TRIM29: variants seen among roughly 807,000 people sequenced by gnomAD.
TRIM29 encodes tripartite motif-containing protein 29.
Under a neutral mutation model 57.3 loss-of-function variants are expected in TRIM29, and 52 were observed. The ratio of observed to expected loss-of-function variants is 0.91; its 90% CI spans 0.73 to 1.14. The LOEUF is 1.14. Among genes scored for constraint, TRIM29 ranks in the 50% most tolerant of loss-of-function variants. The pLI is 0.00. For synonymous variants in TRIM29, 319 were observed against 316.9 expected (o/e 1.01, Z -0.07); for missense variants, 753 against 774.6 (o/e 0.97, Z 0.33).
chr11:120,122,462 C>A (rs1863480145), intron 5 of TRIM29, among the ~76,000 whole-genome samples: 1 of 152,184 alleles, frequency 6.6e-6, no homozygotes, highest in African/African-American at 2.4e-5. Flanking sequence ...GCCAAGGGGG[C>A]CAGGGTGCAG....
intron 1 of TRIM29, among the ~76,000 whole-genome samples, chr11:120,133,535 C>T (rs558922562): frequency 1.3e-5 from 2 of 152,236 alleles, no homozygotes; most frequent in East Asian, 1.9e-4. Context: ...AGAGGCCCCC[C>T]TACCTCCTTT....
chr11:120,118,171 G>T lies in TRIM29; in HGVS notation c.1627+52C>A, dbSNP rs1270444181. On this transcript the variant is annotated intron_variant, in intron 7 of 8. Coordinates refer to ENST00000341846, the MANE Select transcript of TRIM29 (RefSeq NM_012101.4). ...GCGAAGAGACCCAAGCAGGGCTTGG[G>T]AGGTGTGAGGCAGCTGTGGAGGAAA... 4.0e-6 allele frequency: 6 copies of T among 1,516,738 alleles called. No homozygotes were observed. In the African/African-American group the frequency reaches 5.5e-5, roughly 14 times the overall value. 94.0% of individuals were successfully genotyped at this position (1,516,738 alleles called of 1,614,324 possible).
intron 7 of TRIM29, chr11:120,116,865 G>T: frequency 3.4e-6 from 1 of 291,962 alleles, no homozygotes; most frequent in South Asian, 2.8e-5. Context: ...GGGGAGAAGG[G>T]ACCGGCACAC....
chr11:120,115,452 C>T (rs746325233), intron 7 of TRIM29, 38 bp from the exon 8 acceptor site: 1 of 1,595,004 alleles, frequency 6.3e-7, no homozygotes. Context: ...GGGAGCAGCG[C>T]TGGTGGTCAG....
Position 120,115,428 on chromosome 11 carries a change from A to C in TRIM29, c.1628-14T>G. ...GGGAGGGATAGCCTGGGAAGACAAGAGATTCAGGTCAAAGGGAGCAGCGCT... is the reference window on the plus strand; with the variant it reads ...GGGAGGGATAGCCTGGGAAGACAAGCGATTCAGGTCAAAGGGAGCAGCGCT... On this transcript the variant is annotated splice_polypyrimidine_tract_variant and intron_variant, in intron 7 of 8. Coordinates refer to ENST00000341846, the MANE Select transcript of TRIM29 (RefSeq NM_012101.4). 7 of 1,612,250 alleles carry C rather than the reference A, an allele frequency of 4.3e-6. No individual in the cohort carries two copies. The highest frequency in any genetic ancestry group is 5.9e-6 in the Non-Finnish European group (7 of 1,179,144).
intron 8 of TRIM29, among the ~76,000 whole-genome samples, chr11:120,113,285 G>A (rs1043646561): frequency 2.0e-5 from 3 of 152,072 alleles, no homozygotes. Context: ...TCCATGTATT[G>A]TATCTCCCAG....
At chr11:120,119,251 G>A (rs1863370202) in intron 6 of TRIM29, among the ~76,000 whole-genome samples, 1 of 152,152 alleles carries the variant, frequency 6.6e-6, no homozygotes. Flanking sequence ...CCCCATGGGT[G>A]ACGCACACTT....
chr11:120,121,044 T>G (rs1863433072), intron 5 of TRIM29: 1 of 368,160 alleles, frequency 2.7e-6, no homozygotes, highest in Non-Finnish European at 5.3e-6. Flanking sequence ...ACTTCACAAG[T>G]GCTTTCCTTC....
chr11:120,128,270 G>A, intron 2 of TRIM29, 130 bp downstream of exon 2: 2 of 716,554 alleles, frequency 2.8e-6, no homozygotes, highest in South Asian at 1.8e-5. Context: ...AGAGGAGGTG[G>A]GAGAAGCCAG....
intron 2 of TRIM29, among the ~76,000 whole-genome samples, chr11:120,127,907 A>G (rs1246793615): frequency 6.6e-6 from 1 of 152,210 alleles, no homozygotes; most frequent in Non-Finnish European, 1.5e-5. Context: ...ACCAAACATT[A>G]TTCAGAAAAT....
chr11:120,136,630 A>C (rs947812475), intron 1 of TRIM29, among the ~76,000 whole-genome samples: 3 of 152,148 alleles, frequency 2.0e-5, no homozygotes, highest in Non-Finnish European at 4.4e-5. Flanking sequence ...GATCAGCTAG[A>C]ACAAGAAGCC....
In TRIM29 at chr11:120,137,977, C is replaced by A. The variant is rs764022892; in HGVS notation, c.55G>T (p.Ala19Ser). ...CCACTGGGGCCCGACGGGCTCCGGG[C>A]ATCCCTGGCTTCTGGGCTCGACCCG... is the stretch of plus-strand genomic sequence containing the variant. Reference protein sequence around the residue: ...SNGSSPEARDARSPSGPSGSL... With the variant: ...SNGSSPEARDSRSPSGPSGSL... The change falls in exon 1 of 9, where the codon GCC becomes TCC. Residue 19 changes from alanine (A) to serine (S), a missense_variant. Physicochemically the swap from Ala to Ser is moderately conservative, Grantham distance 99 (BLOSUM62 1). Transcript: ENST00000341846. This position sits in a 1 kb window ranked among gnomAD's most constrained non-coding sequence, Gnocchi z 6.2. 6.9e-6 allele frequency: 11 copies of A among 1,604,844 alleles called. No homozygotes were observed. The highest frequency in any genetic ancestry group is 9.3e-6 in the Non-Finnish European group (11 of 1,179,900).
At position 120,119,661 on chromosome 11, in the gene TRIM29, C is replaced by T. The variant is rs187467043; in HGVS notation, c.1528+912G>A. Among the ~76,000 whole-genome samples the T allele has an allele frequency of 2.4e-3, 370 of 152,296 alleles. 2 individuals are homozygous for T. The highest frequency in any genetic ancestry group is 8.3e-3 in the African/African-American group (344 of 41,554). On this transcript the variant is annotated intron_variant, in intron 6 of 8. Coordinates refer to ENST00000341846, the MANE Select transcript of TRIM29 (RefSeq NM_012101.4). ...TATGTGGAGGAGGGGTGCCGCTGAT[C>T]ACGGCTGTGAATCCAATTCTGGATG...
intron 6 of TRIM29, chr11:120,118,698 G>A (rs1232431770): frequency 5.0e-6 from 1 of 200,762 alleles, no homozygotes; most frequent in East Asian, 1.6e-4. Context: ...CTAAGCCTCA[G>A]TGTCTGAGAC....
In TRIM29 at chr11:120,137,414, G is replaced by A. The variant is rs1235877562; in HGVS notation, c.618C>T (p.Ala206=). The change falls in exon 1 of 9, where the codon GCC becomes GCT. Residue 206 remains alanine (A), a synonymous_variant. Transcript: ENST00000341846. This position sits in a 1 kb window ranked among gnomAD's most constrained non-coding sequence, Gnocchi z 6.2. ...CGAGCAGCTGGTGGTCTCGGAAGGCGGCGCCCTCCAGGTGGGGCTTGAGAT... is the reference window on the plus strand; with the variant it reads ...CGAGCAGCTGGTGGTCTCGGAAGGCAGCGCCCTCCAGGTGGGGCTTGAGAT... The part of the protein sequence containing the change: ...ELHLKPHLEG[A]AFRDHQLLEP... 3 of 1,610,696 alleles carry A rather than the reference G, an allele frequency of 1.9e-6. No homozygotes were observed. The highest frequency in any genetic ancestry group is 2.2e-5 in the South Asian group (2 of 91,070).
intron 8 of TRIM29, among the ~76,000 whole-genome samples, chr11:120,112,979 G>C (rs1357138781): frequency 6.6e-6 from 1 of 152,160 alleles, no homozygotes; most frequent in Admixed American, 6.5e-5. Flanking sequence ...CACTCAGCTG[G>C]TAAGCAAGGA....
intron 7 of TRIM29, chr11:120,115,753 G>A (rs1286605143): frequency 7.4e-6 from 2 of 269,258 alleles, no homozygotes; most frequent in African/African-American, 2.3e-5. Flanking sequence ...TTTACACCAC[G>A]GGCCCTCCCC....
Position 120,127,649 on chromosome 11 carries a change from G to C in TRIM29, c.901-80C>G. On this transcript the variant is annotated intron_variant, in intron 2 of 8. Transcript: ENST00000341846. Reference sequence around the variant, plus strand: ...ATCACCCTAGTCGGGTATGTCTTTAGGTTTCCAGCACAGGATCAGGGCATT... The same window carrying C: ...ATCACCCTAGTCGGGTATGTCTTTACGTTTCCAGCACAGGATCAGGGCATT... 2.3e-6 allele frequency: 3 copies of C among 1,322,472 alleles called. No individual in the cohort carries two copies. In the South Asian group the frequency reaches 4.3e-5, roughly 19 times the overall value. The allele number at this position is 1,322,472 out of a possible 1,614,324, so 81.9% of individuals were successfully genotyped here.
chr11:120,121,870 C>G (rs1280584308), intron 5 of TRIM29: 2 of 406,740 alleles, frequency 4.9e-6, no homozygotes, highest in Non-Finnish European at 1.0e-5. Context: ...GGGACAGGGC[C>G]AGGGCGAGGC....
Sources: allele counts gnomAD v4.1 joint callset (sites outside exome capture counted in the v4.1 genomes callset), GRCh38; gene constraint gnomAD v4.1.1; non-coding constraint Gnocchi (gnomAD v3.1); transcripts MANE v1.5; gene names NCBI Gene and HGNC (gene_info 2026-07-23, HGNC 2026-07-21).